The following TMED3 variants were observed in gnomAD, a reference collection of about 807,000 sequenced individuals.
The protein encoded by TMED3 is transmembrane emp24 domain-containing protein 3.
TMED3 carries 9 observed loss-of-function variants against 15.0 expected under a neutral mutation model. The observed-to-expected ratio is 0.60, with a 90% CI of 0.36 to 1.04. The LOEUF (loss-of-function observed/expected upper bound fraction) is 1.04, where lower values mean the gene tolerates loss of function less well. Among genes scored for constraint, TMED3 ranks in the 50% least tolerant of loss-of-function variants. The pLI is 0.01. For synonymous variants in TMED3, 117 were observed against 121.4 expected (o/e 0.96, Z 0.24); for missense variants, 267 against 278.9 (o/e 0.96, Z 0.30).
At chr15:79,377,984 T>C (rs905363336) in intron 2 of TMED3, among the ~76,000 whole-genome samples, 2 of 152,242 alleles carry the variant, frequency 1.3e-5, no homozygotes, top group Non-Finnish European at 2.9e-5. Flanking sequence ...TTTTATATCA[T>C]CCTTTTATTT....
At chr15:79,313,220 G>A (rs1596047272) in intron 1 of TMED3, among the ~76,000 whole-genome samples, 1 of 152,030 alleles carries the variant, frequency 6.6e-6, no homozygotes, top group Admixed American at 6.6e-5. Flanking sequence ...AGAATCGGTG[G>A]CATCTAGTTG....
intron 2 of TMED3, among the ~76,000 whole-genome samples, chr15:79,333,353 G>A (rs1364197770): frequency 9.2e-5 from 14 of 152,172 alleles, no homozygotes; most frequent in Non-Finnish European, 1.5e-5. Context: ...CTAGAATGTT[G>A]TTAACTCCTC....
intron 2 of TMED3, among the ~76,000 whole-genome samples, chr15:79,356,440 C>A (rs1010193593): frequency 6.6e-6 from 1 of 152,210 alleles, no homozygotes; most frequent in Non-Finnish European, 1.5e-5. Context: ...GTTCCTTTGG[C>A]ACCTACCACA....
chr15:79,383,133 C>G, intron 2 of TMED3: 1 of 1,008,778 alleles, frequency 9.9e-7, no homozygotes, highest in Non-Finnish European at 1.5e-6. Context: ...TGCCATGGTG[C>G]ACTTCACTTC....
Position 79,394,739 on chromosome 15 carries a change from A to G in TMED3, c.418-16661A>G, listed in dbSNP as rs144370725. 3.2e-3 allele frequency among the ~76,000 whole-genome samples: 492 copies of G among 152,320 alleles called. 3 individuals are homozygous for G. Among genetic ancestry groups the G allele is most frequent in the African/African-American group, 0.011 (472 of 41,570 alleles). ...AACTAAGAATAGAGAATAATATCAT[A>G]CCTATGTTCTGACTACTCCAGTTTT... On this transcript the variant is annotated intron_variant, in intron 2 of 2. Transcript: ENST00000424155.
At chr15:79,354,422 T>C (rs2058910385) in intron 2 of TMED3, among the ~76,000 whole-genome samples, 1 of 152,142 alleles carries the variant, frequency 6.6e-6, no homozygotes, top group Non-Finnish European at 1.5e-5. Context: ...AAATTCTCCT[T>C]TCTTTACCAC....
intron 2 of TMED3, among the ~76,000 whole-genome samples, chr15:79,380,592 T>C (rs572878790): frequency 7.1e-6 from 1 of 141,698 alleles, no homozygotes; most frequent in African/African-American, 2.7e-5. Flanking sequence ...TATATATATA[T>C]ATATATATAG....
intron 2 of TMED3, among the ~76,000 whole-genome samples, chr15:79,384,916 C>T (rs1008085778): frequency 7.9e-5 from 12 of 152,096 alleles, no homozygotes; most frequent in Admixed American, 6.5e-4. Flanking sequence ...CAGTCCGTGG[C>T]ATTCACGGAG....
chr15:79,372,907 A>G (rs1567035104), intron 2 of TMED3, among the ~76,000 whole-genome samples: 1 of 152,218 alleles, frequency 6.6e-6, no homozygotes. Flanking sequence ...TTTTCAAGTC[A>G]AATTTCAGGC....
intron 2 of TMED3, among the ~76,000 whole-genome samples, chr15:79,318,920 G>T (rs771820108): frequency 8.5e-5 from 13 of 152,190 alleles, no homozygotes; most frequent in Admixed American, 2.0e-4. Context: ...CCCTTCTTAG[G>T]ATCATTTGTT....
intron 2 of TMED3, among the ~76,000 whole-genome samples, chr15:79,369,568 C>G (rs1258682322): frequency 6.6e-6 from 1 of 152,250 alleles, no homozygotes; most frequent in Non-Finnish European, 1.5e-5. Flanking sequence ...TAATTGGACT[C>G]TGCAAGCGGT....
chr15:79,383,161 A>T, intron 2 of TMED3: 1 of 753,540 alleles, frequency 1.3e-6, no homozygotes, highest in South Asian at 1.6e-5. Context: ...GTCCACTCTC[A>T]CCTGCACCAG....
Position 79,396,191 on chromosome 15 carries a change from CCTT to C in TMED3, c.418-15206_418-15204del, listed in dbSNP as rs1472684966. On this transcript the variant is annotated intron_variant, in intron 2 of 2. Coordinates refer to the TMED3 transcript ENST00000424155. ...GTTCCATCAGTTCTACTCTTTAACTCCTTCTAGTGAGGTGGTAACTTTTATTTT... is the reference window on the plus strand; with the variant it reads ...GTTCCATCAGTTCTACTCTTTAACTCCTAGTGAGGTGGTAACTTTTATTTT... Among the ~76,000 whole-genome samples the C allele has an allele frequency of 2.6e-5, 4 of 152,338 alleles. No homozygotes were observed. In the East Asian group the frequency reaches 7.7e-4, roughly 29 times the overall value.
At chr15:79,377,807 G>A (rs1289072579) in intron 2 of TMED3, among the ~76,000 whole-genome samples, 5 of 151,626 alleles carry the variant, frequency 3.3e-5, no homozygotes, top group African/African-American at 7.3e-5. Context: ...CCACCGCGCC[G>A]GGCCAATTTT....
intron 2 of TMED3, among the ~76,000 whole-genome samples, chr15:79,316,614 A>G (rs1596049516): frequency 6.6e-6 from 1 of 152,096 alleles, no homozygotes. Flanking sequence ...CTGGGACAGG[A>G]TGGGATGTCA....
chr15:79,377,297 T>TGA (rs911394704), intron 2 of TMED3, among the ~76,000 whole-genome samples: 43 of 99,556 alleles, frequency 4.3e-4, no homozygotes, highest in South Asian at 6.7e-4. Flanking sequence ...TGTGTGTGTG[T>TGA]GAGAGAGAGA....
chr15:79,412,085 G>T (rs940883564), exon 3 of TMED3: 13 of 144,932 alleles, frequency 9.0e-5, no homozygotes, highest in African/African-American at 3.3e-4. Flanking sequence ...GTTTGCCAGT[G>T]CAGTAGCTGT....
intron 2 of TMED3, among the ~76,000 whole-genome samples, chr15:79,380,482 T>G (rs1377703031): frequency 2.7e-5 from 4 of 147,494 alleles, no homozygotes; most frequent in South Asian, 4.2e-4. Flanking sequence ...TATAGTTATA[T>G]ATAGTTATAG....
exon 3 of TMED3, chr15:79,411,830 G>A: frequency 3.8e-6 from 1 of 262,658 alleles, no homozygotes; most frequent in Non-Finnish European, 7.6e-6. Flanking sequence ...ATAAAGCATA[G>A]CCAGGGACAG....
Sources: gnomAD v4.1 joint callset for allele counts (sites outside exome capture counted in the v4.1 genomes callset) on GRCh38, gnomAD v4.1.1 for gene constraint, MANE v1.5 for transcripts, NCBI Gene and HGNC (gene_info 2026-07-23, HGNC 2026-07-21) for gene names.